The following GRM5 variants were observed in gnomAD, a reference collection of about 807,000 sequenced individuals.
GRM5 encodes metabotropic glutamate receptor 5.
A neutral mutation model predicts 83.1 loss-of-function variants in GRM5; 19 were observed. The ratio of observed to expected loss-of-function variants is 0.23; its 90% confidence interval spans 0.16 to 0.34. GRM5 has a LOEUF of 0.34. Ranked by LOEUF, GRM5 falls within the 10% of genes least tolerant of loss-of-function variation. The probability of loss-of-function intolerance (pLI) is 1.00; values close to 1 mark genes in which losing one functional copy is unlikely to be tolerated. For missense variants in GRM5, 1,160 were observed against 1,588.3 expected (o/e 0.73, Z 4.58); for synonymous variants, 675 against 633.6 (o/e 1.07, Z -0.98).
chr11:88,557,162 A>G (rs1205633258), intron 8 of GRM5, among the ~76,000 whole-genome samples: 3 of 152,136 alleles, frequency 2.0e-5, no homozygotes, highest in African/African-American at 7.2e-5. Context: ...TTAGGCCTCT[A>G]TGTGCTTCCG....
chr11:88,610,249 G>A (rs1938276320), intron 4 of GRM5, among the ~76,000 whole-genome samples: 1 of 152,104 alleles, frequency 6.6e-6, no homozygotes, highest in Non-Finnish European at 1.5e-5. Flanking sequence ...TTCTAATTCT[G>A]TGAAAAATGA....
chr11:88,530,158 A>G (rs1353441437), intron 8 of GRM5, among the ~76,000 whole-genome samples: 1 of 152,056 alleles, frequency 6.6e-6, no homozygotes, highest in Non-Finnish European at 1.5e-5. Context: ...TACCTGTCCA[A>G]AAACTTTTAT....
chr11:88,750,828 G>A (rs573744813), intron 3 of GRM5, among the ~76,000 whole-genome samples: 4 of 151,866 alleles, frequency 2.6e-5, no homozygotes, highest in Non-Finnish European at 5.9e-5. Flanking sequence ...ATGACTCTTG[G>A]GTAAATAATG....
At chr11:88,889,328 G>A (rs979799690) in intron 2 of GRM5, among the ~76,000 whole-genome samples, 8 of 151,980 alleles carry the variant, frequency 5.3e-5, no homozygotes, top group African/African-American at 1.9e-4. Context: ...CCTACACCCA[G>A]GGATGGACAA....
At chr11:88,694,780 C>T (rs1004873700) in intron 3 of GRM5, among the ~76,000 whole-genome samples, 6 of 151,972 alleles carry the variant, frequency 3.9e-5, no homozygotes, top group Non-Finnish European at 7.4e-5. Context: ...GATATGATTG[C>T]TTATGATTGC....
chr11:88,893,076 A>G (rs1411541359), intron 2 of GRM5, among the ~76,000 whole-genome samples: 1 of 151,812 alleles, frequency 6.6e-6, no homozygotes. Flanking sequence ...GGAATATCAG[A>G]CAGAGAGTTT....
At chr11:88,953,171 G>A (rs957041833) in intron 2 of GRM5, among the ~76,000 whole-genome samples, 15 of 152,244 alleles carry the variant, frequency 9.9e-5, no homozygotes, top group South Asian at 6.2e-4. Context: ...TGTAAGACTC[G>A]TGTTTATTGT....
intron 3 of GRM5, among the ~76,000 whole-genome samples, chr11:88,768,451 A>G (rs937547928): frequency 6.6e-6 from 1 of 151,950 alleles, no homozygotes; most frequent in African/African-American, 2.4e-5. Flanking sequence ...GGAGGAGAGA[A>G]TGGATAGTTA....
intron 3 of GRM5, among the ~76,000 whole-genome samples, chr11:88,769,508 G>C (rs897882281): frequency 6.6e-6 from 1 of 151,946 alleles, no homozygotes; most frequent in Non-Finnish European, 1.5e-5. Flanking sequence ...AGAAATGGCT[G>C]GTTCAGGTGC....
At chr11:89,011,050 G>A (rs1940681494) in intron 2 of GRM5, among the ~76,000 whole-genome samples, 1 of 152,156 alleles carries the variant, frequency 6.6e-6, no homozygotes, top group African/African-American at 2.4e-5. Flanking sequence ...TTAACTTATG[G>A]TGCAAGGATA....
chr11:88,534,331 G>A (rs923267207), intron 8 of GRM5, among the ~76,000 whole-genome samples: 4 of 152,218 alleles, frequency 2.6e-5, no homozygotes. Context: ...TGAGAGGGAG[G>A]CTGTACTCTT....
At chr11:88,766,978 G>A (rs1196172324) in intron 3 of GRM5, among the ~76,000 whole-genome samples, 1 of 151,882 alleles carries the variant, frequency 6.6e-6, no homozygotes, top group East Asian at 1.9e-4. Context: ...TTAGAAAAAT[G>A]CAAATAAAAA....
intron 2 of GRM5, among the ~76,000 whole-genome samples, chr11:88,935,047 C>T (rs1319675036): frequency 2.0e-5 from 3 of 151,870 alleles, no homozygotes; most frequent in African/African-American, 2.4e-5. Flanking sequence ...ATTTAATTCT[C>T]ACATGAACAC....
At position 88,784,480 on chromosome 11, in the gene GRM5, A is replaced by T. The variant is rs544731534; in HGVS notation, c.911+65426T>A. Among the ~76,000 whole-genome samples the T allele has an allele frequency of 3.3e-5, 5 of 152,146 alleles. No individual in the cohort carries two copies. The South Asian group carries it at 8.3e-4, about 25-fold the overall frequency. Reference sequence around the variant, plus strand: ...TTAATCATGCAAGTAATTTTCTTTGATAAGTATCACCCACCACTTAATATA... The same window carrying T: ...TTAATCATGCAAGTAATTTTCTTTGTTAAGTATCACCCACCACTTAATATA... On this transcript the variant is annotated intron_variant, in intron 3 of 9. Transcript: ENST00000305447.
intron 2 of GRM5, among the ~76,000 whole-genome samples, chr11:88,890,328 A>G (rs1945122625): frequency 6.6e-6 from 1 of 152,068 alleles, no homozygotes; most frequent in Non-Finnish European, 1.5e-5. Context: ...AGCTGTGCCT[A>G]CTTATTAGGC....
chr11:88,691,334 T>C (rs1239233589), intron 3 of GRM5, among the ~76,000 whole-genome samples: 1 of 152,206 alleles, frequency 6.6e-6, no homozygotes, highest in East Asian at 1.9e-4. Flanking sequence ...TTTGTGAGAA[T>C]AATGTATAAA....
At position 88,730,156 on chromosome 11, in the gene GRM5, T is replaced by C. The variant is rs373145726; in HGVS notation, c.912-76753A>G. On this transcript the variant is annotated intron_variant, in intron 3 of 9. Coordinates refer to ENST00000305447, the MANE Select transcript of GRM5 (RefSeq NM_001143831.3). ...TCTGACAAAGGGCTAATATCCAGAA[T>C]CTACAAAGAACTCAAACAAATTTAC... Among the ~76,000 whole-genome samples, 4 of 152,192 alleles carry C rather than the reference T, an allele frequency of 2.6e-5. No homozygotes were observed. The East Asian group carries it at 5.8e-4, about 22-fold the overall frequency.
intron 3 of GRM5, among the ~76,000 whole-genome samples, chr11:88,819,325 T>A (rs1943745853): frequency 6.6e-6 from 1 of 152,222 alleles, no homozygotes; most frequent in African/African-American, 2.4e-5. Flanking sequence ...TATATACATT[T>A]ACATATTTGT....
chr11:88,704,039 T>C (rs974477828), intron 3 of GRM5, among the ~76,000 whole-genome samples: 1 of 152,062 alleles, frequency 6.6e-6, no homozygotes, highest in Admixed American at 6.6e-5. Flanking sequence ...TGCTTCCTGG[T>C]TTACTGTCCT....
Sources: gnomAD v4.1 joint callset for allele counts (sites outside exome capture counted in the v4.1 genomes callset) on GRCh38, gnomAD v4.1.1 for gene constraint, MANE v1.5 for transcripts, NCBI Gene and HGNC (gene_info 2026-07-23, HGNC 2026-07-21) for gene names.